NBEA: variants seen among roughly 807,000 people sequenced by gnomAD.
NBEA encodes lysosomal-trafficking regulator 2.
NBEA carries 44 observed loss-of-function variants against 343.4 expected under a neutral mutation model. That is an observed-to-expected ratio of 0.13 (90% CI 0.10 to 0.16). NBEA has a LOEUF of 0.16. Ranked by LOEUF, NBEA falls within the 10% of genes least tolerant of loss-of-function variation. NBEA has a pLI of 1.00. For synonymous variants in NBEA, 1,175 were observed against 1,238.7 expected (o/e 0.95, Z 1.08); for missense variants, 2,555 against 3,631.3 (o/e 0.70, Z 7.62).
chr13:35,188,320 A>G (rs1270394066), intron 30 of NBEA, among the ~76,000 whole-genome samples: 1 of 151,686 alleles, frequency 6.6e-6, no homozygotes, highest in East Asian at 1.9e-4. Flanking sequence ...ATACATTATT[A>G]ACTATAGTCA....
intron 33 of NBEA, among the ~76,000 whole-genome samples, chr13:35,216,934 C>G (rs986636612): frequency 3.9e-5 from 6 of 152,010 alleles, no homozygotes; most frequent in South Asian, 4.2e-4. Context: ...ATTACTTGCT[C>G]TATGGTAAGT....
intron 1 of NBEA, among the ~76,000 whole-genome samples, chr13:34,987,269 C>T (rs2060583804): frequency 6.6e-6 from 1 of 150,932 alleles, no homozygotes. Flanking sequence ...CCTAGTTTGG[C>T]TGGATATGAA....
At chr13:35,282,863 C>T (rs1330173445) in intron 34 of NBEA, among the ~76,000 whole-genome samples, 1 of 152,082 alleles carries the variant, frequency 6.6e-6, no homozygotes, top group Admixed American at 6.6e-5. Flanking sequence ...CTCCTTGAGA[C>T]CGAAGACTGT....
At chr13:34,943,383 A>G (rs1278099606) in intron 1 of NBEA, among the ~76,000 whole-genome samples, 1 of 152,028 alleles carries the variant, frequency 6.6e-6, no homozygotes, top group African/African-American at 2.4e-5. Flanking sequence ...TAGGACCGCG[A>G]GTAACCCAGT....
At chr13:35,041,188 G>A in intron 2 of NBEA, 24 bp downstream of exon 2, 3 of 1,566,672 alleles carry the variant, frequency 1.9e-6, no homozygotes, top group Non-Finnish European at 1.8e-6. Flanking sequence ...TGACAGGAAA[G>A]TATAACTTAA....
chr13:35,119,231 A>G (rs1198172487), intron 16 of NBEA, among the ~76,000 whole-genome samples: 1 of 152,194 alleles, frequency 6.6e-6, no homozygotes, highest in Non-Finnish European at 1.5e-5. Context: ...TTTTTAAGGA[A>G]TTCTTCGTTT....
intron 48 of NBEA, among the ~76,000 whole-genome samples, chr13:35,623,500 C>G (rs1265036551): frequency 6.6e-6 from 1 of 152,168 alleles, no homozygotes; most frequent in East Asian, 1.9e-4. Flanking sequence ...TTTGTTTAAC[C>G]TCTTACCTCA....
At chr13:35,433,393 G>A (rs889125516) in intron 39 of NBEA, among the ~76,000 whole-genome samples, 4 of 151,712 alleles carry the variant, frequency 2.6e-5, no homozygotes, top group East Asian at 1.9e-4. Context: ...TTTTATTTGG[G>A]AGTACTAAGT....
At chr13:34,992,713 C>T (rs1011351919) in intron 1 of NBEA, among the ~76,000 whole-genome samples, 1 of 151,800 alleles carries the variant, frequency 6.6e-6, no homozygotes, top group African/African-American at 2.4e-5. Flanking sequence ...TGCTCTGTTG[C>T]CCAGGCTGGA....
intron 38 of NBEA, among the ~76,000 whole-genome samples, chr13:35,415,854 TC>T (rs2043872510): frequency 1.3e-5 from 2 of 152,218 alleles, no homozygotes; most frequent in Admixed American, 6.5e-5. Flanking sequence ...TACTGATTCT[TC>T]CTATCCATGA....
chr13:35,046,984 T>C (rs2062880230), intron 4 of NBEA, among the ~76,000 whole-genome samples: 1 of 152,158 alleles, frequency 6.6e-6, no homozygotes. Context: ...AATTCGGTTG[T>C]TTTTCTTATT....
chr13:35,452,833 CT>C (rs1200817328), intron 40 of NBEA, among the ~76,000 whole-genome samples: 1 of 152,138 alleles, frequency 6.6e-6, no homozygotes, highest in African/African-American at 2.4e-5. Context: ...CACCCACAAC[CT>C]TTTTTGGGTT....
intron 39 of NBEA, among the ~76,000 whole-genome samples, chr13:35,448,255 T>C (rs571278811): frequency 6.6e-6 from 1 of 152,350 alleles, no homozygotes; most frequent in East Asian, 1.9e-4. Context: ...TTTTCTTCTT[T>C]GGTAAATTTT....
rs146135057 is a variant in NBEA at position 35,479,949 on chromosome 13, G to A, written c.6585+7413G>A. Among the ~76,000 whole-genome samples, 190 of 151,020 alleles carry A rather than the reference G, an allele frequency of 1.3e-3. 1 individual carries two copies. Among genetic ancestry groups the A allele is most frequent in the African/African-American group, 4.3e-3 (175 of 41,158 alleles). ...TCAAGAATCTCATGATTTAATGATA[G>A]TTTGAAATGCTTATATTGAATGGTA... On this transcript the variant is annotated intron_variant, in intron 41 of 58. Transcript: ENST00000379939.
Position 35,173,584 on chromosome 13 carries a change from C to A in NBEA, c.4544C>A (p.Ala1515Glu), listed in dbSNP as rs534053014. The change falls in exon 27 of 59, where the codon GCA (alanine) becomes GAA (glutamate). Residue 1515 changes from alanine to glutamate, a missense_variant. Coordinates refer to ENST00000379939, the MANE Select transcript of NBEA (RefSeq NM_001385012.1). ...QEVPQSVTAT[A>E]ASKTPLENVP... The stretch of plus-strand genomic sequence containing the variant: ...GTTCCTCAAAGTGTGACTGCTACAG[C>A]AGCTTCGAAGGTAAGTAAACTTTTT... 6.3e-7 allele frequency: 1 copy of A among 1,599,938 alleles called. No homozygotes were observed. The highest frequency in any genetic ancestry group is 1.3e-5 in the African/African-American group (1 of 74,290).
intron 10 of NBEA, among the ~76,000 whole-genome samples, chr13:35,089,350 C>G (rs1352610972): frequency 6.6e-6 from 1 of 151,196 alleles, no homozygotes; most frequent in South Asian, 2.1e-4. Context: ...CAAATCAAAA[C>G]TGCAATGAGA....
chr13:35,532,439 T>G (rs974324797), intron 41 of NBEA, among the ~76,000 whole-genome samples: 1 of 152,126 alleles, frequency 6.6e-6, no homozygotes, highest in African/African-American at 2.4e-5. Context: ...TTTTGAAATA[T>G]AATGTTGAAC....
intron 1 of NBEA, among the ~76,000 whole-genome samples, chr13:34,996,520 A>G (rs1362887305): frequency 6.6e-6 from 1 of 151,926 alleles, no homozygotes; most frequent in Non-Finnish European, 1.5e-5. Context: ...TTATACTATA[A>G]TCAAAATTAC....
intron 38 of NBEA, among the ~76,000 whole-genome samples, chr13:35,394,520 C>A (rs1453910112): frequency 2.0e-5 from 3 of 151,876 alleles, no homozygotes; most frequent in Admixed American, 6.6e-5. Context: ...TTCGATTTAC[C>A]CACAAATACA....
Sources: gnomAD v4.1 joint callset for allele counts (sites outside exome capture counted in the v4.1 genomes callset) on GRCh38, gnomAD v4.1.1 for gene constraint, MANE v1.5 for transcripts, NCBI Gene and HGNC (gene_info 2026-07-23, HGNC 2026-07-21) for gene names.